TMF1: variants seen among roughly 807,000 people sequenced by gnomAD.
TMF1 encodes the protein TATA element modulatory factor 1, also known as TATA element modulatory factor.
Under a neutral mutation model 126.5 loss-of-function variants are expected in TMF1, and 71 were observed. The observed-to-expected ratio is 0.56, with a 90% CI of 0.46 to 0.68. The LOEUF is 0.68. Among genes scored for constraint, TMF1 ranks in the 30% least tolerant of loss-of-function variants. The probability of loss-of-function intolerance (pLI) is 0.00; values close to 1 mark genes in which losing one functional copy is unlikely to be tolerated. For synonymous variants in TMF1, 461 were observed against 430.5 expected (o/e 1.07, Z -0.88); for missense variants, 1,259 against 1,253.2 (o/e 1.00, Z -0.07).
rs1321846779 is a variant in TMF1, at chr3:69,021,373, A to G, written c.*1804T>C. The G allele has an allele frequency of 6.6e-6, 1 of 152,580 alleles. No homozygotes were observed. The highest frequency in any genetic ancestry group is 2.4e-5 in the African/African-American group (1 of 41,444). The allele number at this position is 152,580 out of a possible 1,614,324, so 9.5% of individuals were successfully genotyped here. A position where few individuals can be genotyped will look rare whatever the true frequency, so the allele number is the denominator to read the frequency against. ...TAATTCTATACATTTCTTATTGCTT[A>G]TCTGTCCTGTCATTCTGCCCTTGAA... On this transcript the variant is annotated 3_prime_UTR_variant, in exon 17 of 17. Transcript: ENST00000398559.
intron 1 of TMF1, among the ~76,000 whole-genome samples, chr3:69,049,193 A>C (rs774903275): frequency 2.0e-5 from 3 of 152,184 alleles, no homozygotes; most frequent in Admixed American, 6.5e-5. Flanking sequence ...CAACATAGTG[A>C]GACCCCTGTC....
chr3:69,041,594 A>C (rs1342756836), intron 5 of TMF1, among the ~76,000 whole-genome samples: 1 of 152,194 alleles, frequency 6.6e-6, no homozygotes, highest in Non-Finnish European at 1.5e-5. Context: ...AGAAATAGTA[A>C]AACATATTAT....
Position 69,035,037 on chromosome 3 carries a change from C to T in TMF1, c.2230G>A (p.Gly744Ser), listed in dbSNP as rs759974051. 6.8e-5 allele frequency: 110 copies of T among 1,613,900 alleles called. No individual in the cohort carries two copies. The highest frequency in any genetic ancestry group is 2.0e-4 in the South Asian group (18 of 91,076). ...TGTGACAGTACCTGCTGAAGTTCACCGATCTCATGGCGTAAATAATCCTCC... is the reference window on the plus strand; with the variant it reads ...TGTGACAGTACCTGCTGAAGTTCACTGATCTCATGGCGTAAATAATCCTCC... ...RKEDYLRHEI[G>S]ELQQRLQEAE... The change falls in exon 9 of 17, where the codon GGT becomes AGT. Residue 744 changes from glycine to serine, a missense_variant. Physicochemically the swap from Gly to Ser is moderately conservative, Grantham distance 56. Transcript: ENST00000398559.
intron 1 of TMF1, chr3:69,048,816 G>A: frequency 2.9e-6 from 1 of 344,130 alleles, no homozygotes; most frequent in East Asian, 4.9e-5. Flanking sequence ...GGCCTGGCCT[G>A]GACTACCAGA....
intron 9 of TMF1, among the ~76,000 whole-genome samples, chr3:69,034,256 T>A (rs2091820547): frequency 6.6e-6 from 1 of 152,138 alleles, no homozygotes; most frequent in Admixed American, 6.5e-5. Flanking sequence ...GTGGATCACC[T>A]GAAGTCAGGA....
In TMF1 at chr3:69,038,907, C is replaced by T. The variant is rs1559632799; in HGVS notation, c.1930G>A (p.Val644Ile). Residue 644 changes from valine to isoleucine, a missense_variant, in exon 7 of 17, where the codon GTA (valine) becomes ATA (isoleucine). Coordinates refer to ENST00000398559, the MANE Select transcript of TMF1 (RefSeq NM_007114.3). The stretch of plus-strand genomic sequence containing the variant: ...TTTTCTTCAAGTTCATCCATGTCTA[C>T]CTGAAGACGGCCAAGATCTTTCTCT... ...RQEKDLGRLQ[V>I]DMDELEEKNR... 6.2e-7 allele frequency: 1 copy of T among 1,612,816 alleles called. No homozygotes were observed. Among genetic ancestry groups the T allele is most frequent in the African/African-American group, 1.3e-5 (1 of 74,932 alleles).
At chr3:69,049,862 AACAAAATATTC>A (rs1012495421) in intron 1 of TMF1, among the ~76,000 whole-genome samples, 23 of 152,356 alleles carry the variant, frequency 1.5e-4, no homozygotes, top group South Asian at 6.2e-4. Flanking sequence ...AATGTGGCTG[AACAAAATATTC>A]ACAAAATATT....
intron 5 of TMF1, among the ~76,000 whole-genome samples, chr3:69,040,938 T>A (rs957857345): frequency 4.8e-4 from 72 of 150,374 alleles, no homozygotes; most frequent in African/African-American, 6.6e-4. Flanking sequence ...AAAAAAAAAA[T>A]TTTTCTGGGG....
At chr3:69,050,271 A>C (rs889587560) in intron 1 of TMF1, among the ~76,000 whole-genome samples, 9 of 151,500 alleles carry the variant, frequency 5.9e-5, no homozygotes, top group Admixed American at 1.3e-4. Context: ...AAAAAAAAAA[A>C]AACAAAAAAA....
At chr3:69,036,444 T>G (rs1559631880) in intron 8 of TMF1, among the ~76,000 whole-genome samples, 1 of 152,192 alleles carries the variant, frequency 6.6e-6, no homozygotes, top group East Asian at 1.9e-4. Context: ...AATAATAAAC[T>G]GTCATTTATG....
At chr3:69,029,494 G>A (rs1299600159) in intron 11 of TMF1, among the ~76,000 whole-genome samples, 3 of 151,358 alleles carry the variant, frequency 2.0e-5, no homozygotes, top group African/African-American at 4.9e-5. Flanking sequence ...ACCCAGGCTG[G>A]AGTGCAGTGG....
At chr3:69,040,081 A>C (rs940367774) in intron 5 of TMF1, among the ~76,000 whole-genome samples, 1 of 152,244 alleles carries the variant, frequency 6.6e-6, no homozygotes, top group African/African-American at 2.4e-5. Context: ...TAGAAATATG[A>C]ACTAAATCTA....
rs2091933944 is a variant in TMF1, at chr3:69,052,021, C to T, written c.66G>A (p.Lys22=). The change falls in exon 1 of 17, where the codon AAG becomes AAA. Residue 22 remains lysine, a synonymous_variant. Coordinates refer to ENST00000398559, the MANE Select transcript of TMF1 (RefSeq NM_007114.3). ...GGATGTCCAGAACCCTGTCAATAGA[C>T]TTCTGGGCCTGGGACAGGGCCTGCT... The part of the protein sequence containing the change: ...FAKQALSQAQ[K]SIDRVLDIQE... 6.2e-7 allele frequency: 1 copy of T among 1,614,030 alleles called. No homozygotes were observed. The highest frequency in any genetic ancestry group is 8.5e-7 in the Non-Finnish European group (1 of 1,179,976).
intron 10 of TMF1, among the ~76,000 whole-genome samples, chr3:69,030,871 C>T (rs1043824120): frequency 6.6e-6 from 1 of 152,194 alleles, no homozygotes; most frequent in Non-Finnish European, 1.5e-5. Context: ...AAACACTAAA[C>T]ATGACCTGGC....
Position 69,027,987 on chromosome 3 carries a change from CAA to C in TMF1, c.2668_2669del (p.Leu890ValfsTer3). ...TLEETRKEKT[L>X]LNSQLEMERM... Reference sequence around the variant, plus strand: ...TTTCCATTTCTAACTGACTATTCAACAATGTCTAATAGAGAGAAATAAAGTTA... The same window carrying C: ...TTTCCATTTCTAACTGACTATTCAACTGTCTAATAGAGAGAAATAAAGTTA... On this transcript the variant is annotated frameshift_variant, in exon 13 of 17. Coordinates refer to ENST00000398559, the MANE Select transcript of TMF1 (RefSeq NM_007114.3). LOFTEE classifies it high-confidence loss of function. 6.4e-7 allele frequency: 1 copy of C among 1,554,108 alleles called. No individual in the cohort carries two copies. Among genetic ancestry groups the C allele is most frequent in the Non-Finnish European group, 8.9e-7 (1 of 1,128,762 alleles).
Position 69,020,122 on chromosome 3 carries a change from A to C in TMF1, c.*3055T>G, listed in dbSNP as rs975497300. 8 of 152,158 alleles carry C rather than the reference A, an allele frequency of 5.3e-5. No homozygotes were observed. Among genetic ancestry groups the C allele is most frequent in the Non-Finnish European group, 7.4e-5 (5 of 67,996 alleles). 9.4% of individuals were successfully genotyped at this position (152,158 alleles called of 1,614,324 possible). A position where few individuals can be genotyped will look rare whatever the true frequency, so the allele number is the denominator to read the frequency against. On this transcript the variant is annotated 3_prime_UTR_variant, in exon 17 of 17. Transcript: ENST00000398559. The stretch of plus-strand genomic sequence containing the variant: ...TTTCTTCTATTTTCTAAATATTATA[A>C]ATCATATACTTTTAATAAGCATTCA...
chr3:69,029,719 G>A, intron 11 of TMF1, 96 bp downstream of exon 11: 1 of 1,204,156 alleles, frequency 8.3e-7, no homozygotes, highest in Non-Finnish European at 1.2e-6. Flanking sequence ...GGGATTACAG[G>A]CGTGAGCCAC....
chr3:69,035,454 T>TA (rs1487302208), intron 8 of TMF1: 13 of 187,386 alleles, frequency 6.9e-5, no homozygotes, highest in Admixed American at 2.3e-4. Context: ...ATACGGATTA[T>TA]AAAAGCTGGG....
Position 69,048,254 on chromosome 3 carries a change from G to T in TMF1, c.451C>A (p.Gln151Lys). Residue 151 changes from glutamine to lysine, a missense_variant, in exon 2 of 17, where the codon CAA becomes AAA. Coordinates refer to ENST00000398559, the MANE Select transcript of TMF1 (RefSeq NM_007114.3). ...ACACACAAAGAAGAGTCTTTTACTT[G>T]TGATTCAGTTGTTTCAGGAGTTCTT... is the stretch of plus-strand genomic sequence containing the variant. ...QSRTPETTES[Q>K]VKDSSLCVSG... 2.5e-6 allele frequency: 4 copies of T among 1,614,174 alleles called. No individual in the cohort carries two copies. The highest frequency in any genetic ancestry group is 3.4e-6 in the Non-Finnish European group (4 of 1,180,030).
Sources: allele counts gnomAD v4.1 joint callset (sites outside exome capture counted in the v4.1 genomes callset), GRCh38; gene constraint gnomAD v4.1.1; transcripts MANE v1.5; gene names NCBI Gene and HGNC (gene_info 2026-07-23, HGNC 2026-07-21).